Variants in KTN1 observed in about 807,000 individuals in gnomAD.
KTN1 encodes the protein kinectin.
KTN1 carries 130 observed loss-of-function variants against 222.5 expected under a neutral mutation model. The observed-to-expected ratio is 0.58, with a 90% CI of 0.51 to 0.68. KTN1 has a LOEUF of 0.68. Ranked by LOEUF, KTN1 falls within the 30% of genes least tolerant of loss-of-function variation. KTN1 has a pLI of 0.00. For missense variants in KTN1, 1,508 were observed against 1,500.4 expected, an observed-to-expected ratio of 1.01 and a Z score of -0.08; for synonymous variants, 512 against 496.3, an observed-to-expected ratio of 1.03 and a Z score of -0.42.
Position 55,648,066 on chromosome 14 carries a change from T to C in KTN1, c.2249T>C (p.Leu750Ser). 6.4e-7 allele frequency: 1 copy of C among 1,565,330 alleles called. No individual in the cohort carries two copies. Among genetic ancestry groups the C allele is most frequent in the Non-Finnish European group, 8.6e-7 (1 of 1,157,026 alleles). The change falls in exon 20 of 44, where the codon TTA becomes TCA. Residue 750 changes from leucine (L) to serine (S), a missense_variant. By Grantham distance (145) the Leu-to-Ser change is moderately radical. Transcript: ENST00000395314. ...KDEKLKTVEE[L>S]LETGLIQVAT... ...GAGAAGTTAAAGACTGTGGAAGAATTACTTGAAACTGGACTTATTCAGGTG... is the reference window on the plus strand; with the variant it reads ...GAGAAGTTAAAGACTGTGGAAGAATCACTTGAAACTGGACTTATTCAGGTG...
chr14:55,617,646 G>C (rs2038572665), intron 3 of KTN1, among the ~76,000 whole-genome samples: 1 of 152,112 alleles, frequency 6.6e-6, no homozygotes, highest in South Asian at 2.1e-4. Context: ...TAATTAAGTG[G>C]AAATAATTCT....
At chr14:55,619,434 G>A in intron 5 of KTN1, 122 bp downstream of exon 5, 1 of 877,730 alleles carries the variant, frequency 1.1e-6, no homozygotes, top group Non-Finnish European at 1.8e-6. Flanking sequence ...CATACATCTG[G>A]AATGCCTTCA....
At chr14:55,633,500 G>A (rs2040762326) in intron 8 of KTN1, among the ~76,000 whole-genome samples, 159 bp downstream of exon 8, 1 of 151,644 alleles carries the variant, frequency 6.6e-6, no homozygotes, top group South Asian at 2.1e-4. Context: ...TTTGCTTTGT[G>A]AAGAACTTCT....
In KTN1 at chr14:55,627,982, A is replaced by G. The variant is rs373847990; in HGVS notation, c.1034A>G (p.Lys345Arg). The change falls in exon 6 of 44, where the codon AAG becomes AGG. Residue 345 changes from lysine to arginine, a missense_variant. Coordinates refer to ENST00000395314, the MANE Select transcript of KTN1 (RefSeq NM_001079521.2). ...QEKDKLLAAV[K>R]EDAAATKDRC... ...AAGGACAAGTTACTCGCTGCTGTGA[A>G]GGAAGATGCTGCTGCTACAAAGGAT... 2 of 1,613,838 alleles carry G rather than the reference A, an allele frequency of 1.2e-6. No homozygotes were observed. Among genetic ancestry groups the G allele is most frequent in the South Asian group, 1.1e-5 (1 of 91,086 alleles).
At chr14:55,648,676 G>C in intron 20 of KTN1, 126 bp from the exon 21 acceptor site, 1 of 685,194 alleles carries the variant, frequency 1.5e-6, no homozygotes, top group Middle Eastern at 3.8e-4. Flanking sequence ...ATGGAAAAAA[G>C]TGAGAGTTTT....
intron 18 of KTN1, 47 bp from the exon 19 acceptor site, chr14:55,646,926 A>G (rs1237038827): frequency 1.7e-6 from 2 of 1,193,876 alleles, no homozygotes; most frequent in Non-Finnish European, 2.5e-6. Flanking sequence ...GTTTTACTTC[A>G]TGCAAATTTG....
In KTN1 at chr14:55,671,570, T is replaced by C. The variant is rs2045455954; in HGVS notation, c.3353T>C (p.Leu1118Pro). Residue 1118 changes from leucine to proline, a missense_variant, in exon 36 of 44, where the codon CTA (leucine) becomes CCA (proline). Transcript: ENST00000395314. ...GTSGSEEVKVLEHKLKEADEM... is the reference protein window; with the variant it reads ...GTSGSEEVKVPEHKLKEADEM... Reference sequence around the variant, plus strand: ...TCTTTATTTCGTTCTTTGCAGGTTCTAGAGCACAAGTTGAAAGAAGCTGAT... The same window carrying C: ...TCTTTATTTCGTTCTTTGCAGGTTCCAGAGCACAAGTTGAAAGAAGCTGAT... 6 of 1,607,846 alleles carry C rather than the reference T, an allele frequency of 3.7e-6. No homozygotes were observed. Among genetic ancestry groups the C allele is most frequent in the African/African-American group, 1.3e-5 (1 of 74,536 alleles).
At position 55,650,674 on chromosome 14, in the gene KTN1, A is replaced by G. The variant is rs139173973; in HGVS notation, c.2565+37A>G. On this transcript the variant is annotated intron_variant, in intron 24 of 43. Coordinates refer to ENST00000395314, the MANE Select transcript of KTN1 (RefSeq NM_001079521.2). ...AGAGCCATAGCATGACAGATTTATT[A>G]GTTGTGTTATTTATGAGCTATTTGA... The G allele has an allele frequency of 4.9e-4, 713 of 1,468,122 alleles. 7 individuals carry two copies. The East Asian group carries it at 0.016, about 32-fold the overall frequency. 90.9% of individuals were successfully genotyped at this position (1,468,122 alleles called of 1,614,324 possible). A position where few individuals can be genotyped will look rare whatever the true frequency, so the allele number is the denominator to read the frequency against.
At chr14:55,606,089 G>GT (rs991573781) in intron 1 of KTN1, among the ~76,000 whole-genome samples, 18 of 151,768 alleles carry the variant, frequency 1.2e-4, no homozygotes, top group Non-Finnish European at 2.4e-4. Context: ...GTTGTTTTTT[G>GT]TTTTTTTTAA....
intron 5 of KTN1, among the ~76,000 whole-genome samples, chr14:55,623,245 T>C (rs2039384921): frequency 6.6e-6 from 1 of 152,272 alleles, no homozygotes; most frequent in Non-Finnish European, 1.5e-5. Context: ...AATTTTACAA[T>C]GTAGTATGCT....
chr14:55,609,590 C>T (rs896610076), intron 1 of KTN1, among the ~76,000 whole-genome samples: 1 of 152,016 alleles, frequency 6.6e-6, no homozygotes, highest in African/African-American at 2.4e-5. Flanking sequence ...GGTCTCATAC[C>T]CTCTCTTCTT....
At chr14:55,580,379 G>T (rs1427149688) in intron 1 of KTN1, 25 bp downstream of exon 1, 1 of 146,848 alleles carries the variant, frequency 6.8e-6, no homozygotes, top group Non-Finnish European at 1.5e-5. Context: ...GCCGCACCGG[G>T]ACGGGCGCCG....
In KTN1 at chr14:55,667,277, G is replaced by A. The variant is rs755107785; in HGVS notation, c.3214G>A (p.Ala1072Thr). 1.9e-6 allele frequency: 3 copies of A among 1,607,002 alleles called. No individual in the cohort carries two copies. The highest frequency in any genetic ancestry group is 2.5e-6 in the Non-Finnish European group (3 of 1,176,884). The change falls in exon 34 of 44, where the codon GCT becomes ACT. Residue 1072 changes from alanine to threonine, a missense_variant. Coordinates refer to ENST00000395314, the MANE Select transcript of KTN1 (RefSeq NM_001079521.2). Reference protein sequence around the residue: ...QQQVEAVELEAKEVLKKLFPK... With the variant: ...QQQVEAVELETKEVLKKLFPK... ...ACAGGTGGAAGCTGTTGAGTTGGAG[G>A]CTAAAGAAGTTCTCAAAAAATTATT...
At position 55,636,452 on chromosome 14, in the gene KTN1, C is replaced by G; in HGVS notation, c.1465C>G (p.Gln489Glu). 6.2e-7 allele frequency: 1 copy of G among 1,606,528 alleles called. No homozygotes were observed. Among genetic ancestry groups the G allele is most frequent in the Admixed American group, 1.7e-5 (1 of 59,252 alleles). ...AEQAATQLKV[Q>E]LQEAERRWEE... ...TTCTCCCTTTTAAAATACCAAGGTT[C>G]AACTACAAGAAGCTGAGAGAAGGTG... Residue 489 changes from glutamine (Q) to glutamate (E), a missense_variant, in exon 10 of 44, where the codon CAA becomes GAA. Transcript: ENST00000395314.
At chr14:55,616,449 G>A (rs956277635) in intron 2 of KTN1, 68 bp from the exon 3 acceptor site, 78 of 1,368,208 alleles carry the variant, frequency 5.7e-5, no homozygotes, top group Middle Eastern at 3.8e-4. Context: ...GAATTACTCA[G>A]TGATTGCATC....
At chr14:55,639,319 C>A in intron 13 of KTN1, 97 bp downstream of exon 13, 1 of 757,026 alleles carries the variant, frequency 1.3e-6, no homozygotes, top group Non-Finnish European at 2.2e-6. Context: ...CCTCTGACGA[C>A]CTGTTCAGAA....
At chr14:55,644,382 C>A (rs1332154502) in intron 18 of KTN1, 3 of 701,970 alleles carry the variant, frequency 4.3e-6, no homozygotes, top group Non-Finnish European at 7.8e-6. Flanking sequence ...AAGCAGAAAC[C>A]AATAATGGTG....
intron 18 of KTN1, among the ~76,000 whole-genome samples, chr14:55,644,605 T>A (rs944006060): frequency 6.6e-6 from 1 of 151,830 alleles, no homozygotes; most frequent in Non-Finnish European, 1.5e-5. Flanking sequence ...ATTTTGACTT[T>A]TAGTGAAGGA....
intron 1 of KTN1, among the ~76,000 whole-genome samples, chr14:55,598,178 G>T (rs893166584): frequency 6.6e-6 from 1 of 152,150 alleles, no homozygotes; most frequent in Non-Finnish European, 1.5e-5. Context: ...GCTCACGCCT[G>T]TAATCCCAGC....
Sources: gnomAD v4.1 joint callset for allele counts (sites outside exome capture counted in the v4.1 genomes callset) on GRCh38, gnomAD v4.1.1 for gene constraint, MANE v1.5 for transcripts, NCBI Gene and HGNC (gene_info 2026-07-23, HGNC 2026-07-21) for gene names.